Variants in RNF126 observed in about 807,000 individuals in gnomAD.
The protein encoded by RNF126 is E3 ubiquitin-protein ligase RNF126.
A neutral mutation model predicts 41.9 loss-of-function variants in RNF126; 20 were observed. That is an observed-to-expected ratio of 0.48 (90% CI 0.34 to 0.69). RNF126 has a LOEUF of 0.69. RNF126 is among the 30% of genes least tolerant of loss of function. The pLI, the probability that RNF126 is intolerant of heterozygous loss-of-function variation, is 0.01. For missense variants in RNF126, 433 were observed against 460.6 expected, an observed-to-expected ratio of 0.94 and a Z score of 0.55; for synonymous variants, 239 against 202.9, an observed-to-expected ratio of 1.18 and a Z score of -1.51.
At chr19:649,277 C>T (rs1227172180) in intron 6 of RNF126, 11 of 314,992 alleles carry the variant, frequency 3.5e-5, no homozygotes, top group East Asian at 3.1e-4. Context: ...GGCCGTGCTC[C>T]GGCTGGTGGG....
In RNF126 at chr19:652,653, A is replaced by G. The variant is rs952254913; in HGVS notation, c.134+173T>C. 3 of 647,380 alleles carry G rather than the reference A, an allele frequency of 4.6e-6. No homozygotes were observed. The East Asian group carries it at 8.2e-5, about 18-fold the overall frequency. The allele number at this position is 647,380 out of a possible 1,614,324, so 40.1% of individuals were successfully genotyped here. The stretch of plus-strand genomic sequence containing the variant: ...CCCCTCTGGCCCCGGCCCGGCCATC[A>G]CAGAAGAGAACGGCACGCTGCTGTC... On this transcript the variant is annotated intron_variant, in intron 2 of 8. Coordinates refer to ENST00000292363, the MANE Select transcript of RNF126 (RefSeq NM_194460.3).
At chr19:655,469 G>C (rs773274708) in intron 1 of RNF126, among the ~76,000 whole-genome samples, 6 of 151,890 alleles carry the variant, frequency 4.0e-5, no homozygotes, top group Non-Finnish European at 7.4e-5. Context: ...CCGGGCGACA[G>C]AGTGACACTC....
chr19:658,585 C>A (rs868544919), intron 1 of RNF126, among the ~76,000 whole-genome samples: 1 of 152,182 alleles, frequency 6.6e-6, no homozygotes, highest in Non-Finnish European at 1.5e-5. Flanking sequence ...CGGGCACGTG[C>A]GGCGCCTGCA....
Position 663,173 on chromosome 19 carries a change from C to A in RNF126, c.-52G>T. On this transcript the variant is annotated 5_prime_UTR_variant, in exon 1 of 9. Transcript: ENST00000292363. The stretch of plus-strand genomic sequence containing the variant: ...CCGCCCCCCGCGCGGCACCCGCCGC[C>A]GGCCGTTTGCTGCTCCCTCGCCGGC... 1 of 889,720 alleles carries A rather than the reference C, an allele frequency of 1.1e-6. No homozygotes were observed. The highest frequency in any genetic ancestry group is 5.0e-5 in the Admixed American group (1 of 19,930). 55.1% of individuals were successfully genotyped at this position (889,720 alleles called of 1,614,324 possible).
At chr19:649,012 G>A (rs1473409247) in intron 6 of RNF126, 37 bp from the exon 7 acceptor site, 7 of 1,114,318 alleles carry the variant, frequency 6.3e-6, no homozygotes, top group Non-Finnish European at 8.4e-6. Context: ...GGAGCTCCTC[G>A]GGGGCCCGGC....
Position 648,458 on chromosome 19 carries a change from C to T in RNF126, c.700G>A (p.Asp234Asn). The change falls in exon 8 of 9, where the codon GAC (aspartate) becomes AAC (asparagine). Residue 234 changes from aspartate to asparagine, a missense_variant. By Grantham distance (23) the Asp-to-Asn change is conservative (BLOSUM62 1). This residue lies in a region of RNF126 where 97 missense variants were observed against 121.7 expected (regional missense o/e 0.80). Coordinates refer to ENST00000292363, the MANE Select transcript of RNF126 (RefSeq NM_194460.3). ...GSGLECPVCK[D>N]DYALGERVRQ... ...ACACGCTCACCCAGCGCGTAGTCGT[C>T]CTTGCACACAGGGCACTCGAGCCCG... The T allele has an allele frequency of 3.1e-6, 5 of 1,588,368 alleles. No homozygotes were observed. Among genetic ancestry groups the T allele is most frequent in the Non-Finnish European group, 4.3e-6 (5 of 1,170,716 alleles).
At chr19:651,135 C>G (rs1015398381) in intron 4 of RNF126, among the ~76,000 whole-genome samples, 3 of 147,436 alleles carry the variant, frequency 2.0e-5, no homozygotes, top group Admixed American at 2.0e-4. Context: ...AGGCTCTGTT[C>G]CACCAGGAGC....
At chr19:660,208 C>T (rs1260506142) in intron 1 of RNF126, among the ~76,000 whole-genome samples, 1 of 152,262 alleles carries the variant, frequency 6.6e-6, no homozygotes, top group Non-Finnish European at 1.5e-5. Context: ...CACACACGTG[C>T]CCACCAGATG....
At chr19:649,621 A>G (rs1034331418) in intron 6 of RNF126, 58 bp downstream of exon 6, 9 of 1,390,224 alleles carry the variant, frequency 6.5e-6, no homozygotes, top group Non-Finnish European at 9.0e-6. Flanking sequence ...GGCAGCTCCC[A>G]GGGGTGGGCA....
Position 652,384 on chromosome 19 carries a change from G to C in RNF126, c.135-88C>G, listed in dbSNP as rs759136303. The C allele has an allele frequency of 2.5e-6, 3 of 1,199,952 alleles. No individual in the cohort carries two copies. In the South Asian group the frequency reaches 4.3e-5, roughly 17 times the overall value. 74.3% of individuals were successfully genotyped at this position (1,199,952 alleles called of 1,614,324 possible). A position where few individuals can be genotyped will look rare whatever the true frequency, so the allele number is the denominator to read the frequency against. ...CTCCCCTCAAAAGCCTATGTTGGGA[G>C]AGCAGGAATTGTCCTTGGCACTGCT... On this transcript the variant is annotated intron_variant, in intron 2 of 8. Transcript: ENST00000292363.
chr19:651,454 G>T, intron 4 of RNF126, 157 bp downstream of exon 4: 1 of 630,852 alleles, frequency 1.6e-6, no homozygotes, highest in East Asian at 3.8e-5. Flanking sequence ...AGGGCCGTGT[G>T]GGGAGTCACA....
chr19:662,525 G>A (rs2030849058), intron 1 of RNF126, among the ~76,000 whole-genome samples: 3 of 152,216 alleles, frequency 2.0e-5, no homozygotes, highest in South Asian at 4.1e-4. Flanking sequence ...GGCGGCCAGG[G>A]CTCCACGAGG....
intron 1 of RNF126, 107 bp from the exon 2 acceptor site, chr19:652,991 C>T: frequency 2.0e-6 from 2 of 1,024,492 alleles, no homozygotes; most frequent in Non-Finnish European, 3.0e-6. Context: ...TCTGGCTGGC[C>T]AGGCACACGC....
At chr19:661,081 G>C (rs576492600) in intron 1 of RNF126, among the ~76,000 whole-genome samples, 1 of 152,362 alleles carries the variant, frequency 6.6e-6, no homozygotes, top group South Asian at 2.1e-4. Flanking sequence ...GACCACAGCG[G>C]CCTGTCACCA....
In RNF126 at chr19:651,844, C is replaced by T. The variant is rs746879840; in HGVS notation, c.210G>A (p.Gln70=). ...QSRPPLEHVD[Q]HLFTLPQGYG... is the part of the protein sequence containing the mutation. ...AGCCCTGCGGCAGCGTGAACAGGTGCTGGTCCACGTGCTGGGGAGAGGAGG... is the reference window on the plus strand; with the variant it reads ...AGCCCTGCGGCAGCGTGAACAGGTGTTGGTCCACGTGCTGGGGAGAGGAGG... The change falls in exon 4 of 9, where the codon CAG becomes CAA. Residue 70 remains glutamine, a synonymous_variant. Coordinates refer to ENST00000292363, the MANE Select transcript of RNF126 (RefSeq NM_194460.3). 8 of 1,609,792 alleles carry T rather than the reference C, an allele frequency of 5.0e-6. No individual in the cohort carries two copies. Among genetic ancestry groups the T allele is most frequent in the Middle Eastern group, 1.6e-4 (1 of 6,072 alleles).
intron 1 of RNF126, among the ~76,000 whole-genome samples, chr19:653,557 C>T (rs1026537311): frequency 6.6e-6 from 1 of 152,242 alleles, no homozygotes; most frequent in Non-Finnish European, 1.5e-5. Flanking sequence ...CAACGGGATC[C>T]CCAGGGCTGA....
At chr19:662,281 G>C (rs920161964) in intron 1 of RNF126, among the ~76,000 whole-genome samples, 1 of 152,250 alleles carries the variant, frequency 6.6e-6, no homozygotes, top group Non-Finnish European at 1.5e-5. Flanking sequence ...GGTGACATCA[G>C]GTCCGCGTGG....
chr19:655,239 A>C (rs2030511275), intron 1 of RNF126, among the ~76,000 whole-genome samples: 1 of 151,936 alleles, frequency 6.6e-6, no homozygotes, highest in Admixed American at 6.6e-5. Context: ...GGCAGGAGGC[A>C]GAATGGCTTG....
At chr19:655,505 G>A (rs563199499) in intron 1 of RNF126, among the ~76,000 whole-genome samples, 11 of 152,038 alleles carry the variant, frequency 7.2e-5, no homozygotes, top group African/African-American at 2.7e-4. Flanking sequence ...GAAAAGTGGG[G>A]GGGGAAAGGA....
Sources: gnomAD v4.1 joint callset for allele counts (sites outside exome capture counted in the v4.1 genomes callset) on GRCh38, gnomAD v4.1.1 for gene constraint, gnomAD v4.1.1 regional missense constraint, MANE v1.5 for transcripts, NCBI Gene and HGNC (gene_info 2026-07-23, HGNC 2026-07-21) for gene names.